Variants in TPX2 observed in about 807,000 individuals in gnomAD.
The protein encoded by TPX2 is TPX2 microtubule nucleation factor.
TPX2 carries 21 observed loss-of-function variants against 93.6 expected under a neutral mutation model. The observed-to-expected ratio is 0.22, with a 90% CI of 0.16 to 0.32. The LOEUF (loss-of-function observed/expected upper bound fraction) is 0.32. Ranked by LOEUF, TPX2 falls within the 10% of genes least tolerant of loss-of-function variation. The probability of loss-of-function intolerance (pLI) is 1.00; values close to 1 mark genes in which losing one functional copy is unlikely to be tolerated. For synonymous variants in TPX2, 281 were observed against 298.3 expected, an observed-to-expected ratio of 0.94 and a Z score of 0.60; for missense variants, 776 against 871.1, an observed-to-expected ratio of 0.89 and a Z score of 1.37.
chr20:31,794,050 G>A, intron 14 of TPX2, 26 bp downstream of exon 14: 1 of 1,584,358 alleles, frequency 6.3e-7, no homozygotes, highest in Non-Finnish European at 8.6e-7. Flanking sequence ...TCTGCAAGTA[G>A]TGTAATACTA....
chr20:31,770,049 C>G (rs1009339968), intron 5 of TPX2, among the ~76,000 whole-genome samples: 2 of 152,106 alleles, frequency 1.3e-5, no homozygotes, highest in African/African-American at 4.8e-5. Context: ...GTCCTCCTGC[C>G]GCAGCTTTCC....
intron 2 of TPX2, among the ~76,000 whole-genome samples, chr20:31,749,567 G>A (rs895193493): frequency 1.3e-5 from 2 of 151,910 alleles, no homozygotes; most frequent in Admixed American, 6.6e-5. Flanking sequence ...AGGCTGAGGC[G>A]GGTGGATCAC....
chr20:31,794,662 T>G, intron 15 of TPX2, 114 bp downstream of exon 15: 1 of 1,322,542 alleles, frequency 7.6e-7, no homozygotes, highest in Non-Finnish European at 1.0e-6. Context: ...TCAGGGGCTC[T>G]CACTGTAAAT....
intron 12 of TPX2, among the ~76,000 whole-genome samples, chr20:31,786,508 A>G (rs1226295565): frequency 1.3e-5 from 2 of 151,950 alleles, no homozygotes; most frequent in East Asian, 1.9e-4. Context: ...GGTTCAACCA[A>G]TTCTCATGCC....
chr20:31,790,356 A>G (rs958973741), intron 12 of TPX2, among the ~76,000 whole-genome samples: 1 of 152,242 alleles, frequency 6.6e-6, no homozygotes. Flanking sequence ...ATTTTGGAAA[A>G]GCCATGCATC....
intron 9 of TPX2, among the ~76,000 whole-genome samples, chr20:31,778,088 T>TTATCC (rs1190397243): frequency 6.6e-6 from 1 of 152,154 alleles, no homozygotes; most frequent in Non-Finnish European, 1.5e-5. Context: ...ATAACAGATC[T>TTATCC]TATAGGAAAA....
chr20:31,750,264 T>A (rs2061810715), intron 2 of TPX2, among the ~76,000 whole-genome samples: 2 of 152,022 alleles, frequency 1.3e-5, no homozygotes, highest in South Asian at 4.1e-4. Flanking sequence ...TTCAAGCAAT[T>A]CTCCTGCCTC....
At chr20:31,759,912 C>T in intron 3 of TPX2, 145 bp from the exon 4 acceptor site, 2 of 1,070,328 alleles carry the variant, frequency 1.9e-6, no homozygotes, top group Non-Finnish European at 2.6e-6. Flanking sequence ...TGTACTTTTT[C>T]TTTTGATTGC....
intron 2 of TPX2, among the ~76,000 whole-genome samples, chr20:31,756,179 G>A (rs2061850432): frequency 1.3e-5 from 2 of 152,238 alleles, no homozygotes; most frequent in South Asian, 4.1e-4. Context: ...ATGGATGGAT[G>A]AGGTATACAC....
chr20:31,751,220 T>G (rs1278929397), intron 2 of TPX2, among the ~76,000 whole-genome samples: 1 of 152,134 alleles, frequency 6.6e-6, no homozygotes. Context: ...TCCAGGTAGT[T>G]TTCAGCATCA....
At chr20:31,785,342 C>G (rs1359698118) in intron 12 of TPX2, among the ~76,000 whole-genome samples, 1 of 152,230 alleles carries the variant, frequency 6.6e-6, no homozygotes, top group African/African-American at 2.4e-5. Flanking sequence ...GTGAATACAA[C>G]AAGGGAAAAG....
rs2062032245 is a variant in TPX2, at chr20:31,781,323, T to TTTGGCTCAC, written c.1055-915_1055-907dup. On this transcript the variant is annotated intron_variant, in intron 10 of 17. Coordinates refer to ENST00000300403, the MANE Select transcript of TPX2 (RefSeq NM_012112.5). ...CTAGGCCAGAGTGCAGTGGCGCTCATTTGGCTCACTTGGCTCACTGCATGC... is the reference window on the plus strand; with the variant it reads ...CTAGGCCAGAGTGCAGTGGCGCTCATTTGGCTCACTTGGCTCACTTGGCTCACTGCATGC... Among the ~76,000 whole-genome samples, 7 of 148,282 alleles carry TTTGGCTCAC rather than the reference T, an allele frequency of 4.7e-5. No homozygotes were observed. The South Asian group carries it at 1.5e-3, about 32-fold the overall frequency.
chr20:31,783,302 A>T (rs2062045586), intron 11 of TPX2, among the ~76,000 whole-genome samples: 1 of 151,776 alleles, frequency 6.6e-6, no homozygotes, highest in African/African-American at 2.4e-5. Context: ...CTCAGGCTGG[A>T]GTGCAGTGGT....
rs958090610 is a variant in TPX2, at chr20:31,771,008, G to T, written c.485+537G>T. 2.0e-5 allele frequency among the ~76,000 whole-genome samples: 3 copies of T among 151,772 alleles called. No individual in the cohort carries two copies. In the East Asian group the frequency reaches 5.8e-4, roughly 29 times the overall value. ...CACAAGATGGCTGGTGTATCTCTAG[G>T]TGTTATATTTATGTTTAAGAGAAGA... On this transcript the variant is annotated intron_variant, in intron 6 of 17. Coordinates refer to ENST00000300403, the MANE Select transcript of TPX2 (RefSeq NM_012112.5).
intron 2 of TPX2, among the ~76,000 whole-genome samples, chr20:31,749,504 A>G (rs2061805224): frequency 6.6e-6 from 1 of 152,148 alleles, no homozygotes; most frequent in Admixed American, 6.5e-5. Context: ...CTCATTAAGT[A>G]ATAGCTGTTG....
chr20:31,782,733 C>T (rs1456622528), intron 11 of TPX2, among the ~76,000 whole-genome samples: 1 of 151,722 alleles, frequency 6.6e-6, no homozygotes, highest in African/African-American at 2.4e-5. Context: ...ACAACAAATA[C>T]CAAAAAAAAA....
Position 31,766,609 on chromosome 20 carries a change from A to G in TPX2, c.283A>G (p.Ile95Val), listed in dbSNP as rs762304589. The G allele has an allele frequency of 1.9e-6, 3 of 1,613,844 alleles. No individual in the cohort carries two copies. Among genetic ancestry groups the G allele is most frequent in the Admixed American group, 3.3e-5 (2 of 59,904 alleles). ...AEKENLVEQS[I>V]PSNACSSLEV... ...AAAAGAAAATCTTGTGGAACAATCC[A>G]TTCCGTCAAATGCTTGTTCTTCCCT... The change falls in exon 5 of 18, where the codon ATT becomes GTT. Residue 95 changes from isoleucine (I) to valine (V), a missense_variant. Coordinates refer to ENST00000300403, the MANE Select transcript of TPX2 (RefSeq NM_012112.5).
At chr20:31,772,546 C>T (rs568457505) in intron 7 of TPX2, among the ~76,000 whole-genome samples, 2 of 152,302 alleles carry the variant, frequency 1.3e-5, no homozygotes, top group South Asian at 4.1e-4. Context: ...AGCAACAGTT[C>T]TTACCACGTA....
intron 17 of TPX2, 89 bp from the exon 18 acceptor site, chr20:31,800,881 A>G: frequency 2.6e-6 from 3 of 1,148,304 alleles, no homozygotes; most frequent in Non-Finnish European, 3.9e-6. Context: ...AAACTCTACA[A>G]ACATTTTCTC....
Sources: allele counts gnomAD v4.1 joint callset (sites outside exome capture counted in the v4.1 genomes callset), GRCh38; gene constraint gnomAD v4.1.1; transcripts MANE v1.5; gene names NCBI Gene and HGNC (gene_info 2026-07-23, HGNC 2026-07-21).